MOSPD2: variants seen among roughly 807,000 people sequenced by gnomAD.
MOSPD2 encodes the protein motile sperm domain containing 2, also known as motile sperm domain-containing protein 2.
In MOSPD2, 5 loss-of-function variants were observed where a neutral mutation model predicts 41.7. The ratio of observed to expected loss-of-function variants is 0.12; its 90% CI spans 0.06 to 0.25. MOSPD2 has a LOEUF of 0.25. Among genes scored for constraint, MOSPD2 ranks in the 10% least tolerant of loss-of-function variants. The probability of loss-of-function intolerance (pLI) is 1.00; values close to 1 mark genes in which losing one functional copy is unlikely to be tolerated. For missense variants in MOSPD2, 282 were observed against 375.2 expected (o/e 0.75, Z 2.05); for synonymous variants, 115 against 126.9 (o/e 0.91, Z 0.63).
chrX:14,876,713 G>A (rs1312572262), intron 2 of MOSPD2, among the ~76,000 whole-genome samples: 1 of 111,693 alleles, frequency 9.0e-6, no homozygotes, highest in African/African-American at 3.3e-5. Context: ...CTGGGAAGCA[G>A]TGTATCAGTA....
chrX:14,909,259 GT>G (rs2147499874), intron 8 of MOSPD2, among the ~76,000 whole-genome samples: 1 of 111,459 alleles, frequency 9.0e-6, no homozygotes, highest in African/African-American at 3.3e-5. Context: ...TCCTACTTCT[GT>G]TTCCAACCAC....
At chrX:14,879,062 A>G (rs2092526812) in intron 2 of MOSPD2, among the ~76,000 whole-genome samples, 1 of 111,945 alleles carries the variant, frequency 8.9e-6, no homozygotes, top group Non-Finnish European at 1.9e-5. Flanking sequence ...CTCTTTTTGA[A>G]CTTTATATTA....
Position 14,920,917 on chromosome X carries a change from T to C in MOSPD2, c.*1108T>C, listed in dbSNP as rs2092608536. On this transcript the variant is annotated 3_prime_UTR_variant, in exon 15 of 15. Transcript: ENST00000380492. ...GAAACACAGACGCCCAGGTGTCAGC[T>C]CTCCGTTTAAAGAATGAAAAATGTA... is the stretch of plus-strand genomic sequence containing the variant. 4 of 752,174 alleles carry C rather than the reference T, an allele frequency of 5.3e-6. No individual in the cohort carries two copies. Among genetic ancestry groups the C allele is most frequent in the Non-Finnish European group, 6.3e-6 (4 of 639,080 alleles). 62.0% of individuals were successfully genotyped at this position (752,174 alleles called of 1,213,427 possible).
At chrX:14,890,769 A>C (rs1353529598) in intron 2 of MOSPD2, among the ~76,000 whole-genome samples, 1 of 111,940 alleles carries the variant, frequency 8.9e-6, no homozygotes, top group Non-Finnish European at 1.9e-5. Flanking sequence ...CTGGCCTTTC[A>C]GCTATTATCT....
intron 6 of MOSPD2, 107 bp downstream of exon 6, chrX:14,900,742 G>T: frequency 2.7e-6 from 1 of 370,709 alleles, no homozygotes; most frequent in Admixed American, 5.3e-5. Flanking sequence ...CTGAAACTTT[G>T]TTTTCTGATG....
intron 6 of MOSPD2, among the ~76,000 whole-genome samples, chrX:14,901,311 A>AC (rs2092572797): frequency 9.0e-6 from 1 of 111,539 alleles, no homozygotes; most frequent in Non-Finnish European, 1.9e-5. Context: ...AGTATATTTA[A>AC]CCCCAATGGT....
At chrX:14,908,756 T>C (rs2092586523) in intron 7 of MOSPD2, 104 bp from the exon 8 acceptor site, 1 of 759,283 alleles carries the variant, frequency 1.3e-6, no homozygotes, top group South Asian at 3.4e-5. Flanking sequence ...TATTAACAGA[T>C]TATAGCCCAA....
rs1353803132 is a variant in MOSPD2 at position 14,920,981 on chromosome X, T to C, written c.*1172T>C. The C allele has an allele frequency of 5.3e-6, 4 of 753,377 alleles. No homozygotes were observed. The East Asian group carries it at 4.5e-4, about 85-fold the overall frequency. 62.1% of individuals were successfully genotyped at this position (753,377 alleles called of 1,213,427 possible). A position where few individuals can be genotyped will look rare whatever the true frequency, so the allele number is the denominator to read the frequency against. ...TGTGAAACCTTCAAACTAGGACCAATTGACTTACTTGATATTCTGCCTTTG... is the reference window on the plus strand; with the variant it reads ...TGTGAAACCTTCAAACTAGGACCAACTGACTTACTTGATATTCTGCCTTTG... On this transcript the variant is annotated 3_prime_UTR_variant, in exon 15 of 15. Transcript: ENST00000380492.
At chrX:14,875,663 C>G (rs1315440348) in intron 2 of MOSPD2, among the ~76,000 whole-genome samples, 1 of 111,866 alleles carries the variant, frequency 8.9e-6, no homozygotes, top group African/African-American at 3.3e-5. Flanking sequence ...GCCACACTGC[C>G]TTGTGTTCCT....
At chrX:14,912,223 T>C (rs1411087727) in intron 9 of MOSPD2, 26 bp from the exon 10 acceptor site, 2 of 1,012,988 alleles carry the variant, frequency 2.0e-6, no homozygotes, top group Admixed American at 3.1e-5. Context: ...ATATGCTAAA[T>C]AGTTATCCTT....
chrX:14,875,313 C>T, intron 2 of MOSPD2, among the ~76,000 whole-genome samples: 1 of 112,126 alleles, frequency 8.9e-6, no homozygotes, highest in South Asian at 3.7e-4. Context: ...TTTCCAACTG[C>T]GTTTAGAATA....
chrX:14,880,468 A>G (rs1318815536), intron 2 of MOSPD2, among the ~76,000 whole-genome samples: 1 of 111,936 alleles, frequency 8.9e-6, no homozygotes, highest in Non-Finnish European at 1.9e-5. Flanking sequence ...AAATCTTTCA[A>G]TACTTTTCCT....
chrX:14,894,136 C>A (rs944219584), intron 3 of MOSPD2, among the ~76,000 whole-genome samples: 3 of 109,822 alleles, frequency 2.7e-5, no homozygotes, highest in African/African-American at 1.0e-4. Flanking sequence ...TTCTTTCTTT[C>A]TTTATTTTAT....
At chrX:14,881,054 A>G (rs1306438207) in intron 2 of MOSPD2, among the ~76,000 whole-genome samples, 2 of 110,823 alleles carry the variant, frequency 1.8e-5, no homozygotes, top group Non-Finnish European at 3.8e-5. Flanking sequence ...GTTGTTTTAT[A>G]TATCAGTGTT....
intron 10 of MOSPD2, 57 bp from the exon 11 acceptor site, chrX:14,914,445 AT>A: frequency 1.3e-6 from 1 of 743,982 alleles, no homozygotes; most frequent in Non-Finnish European, 2.0e-6. Context: ...AAGCTAAATG[AT>A]TAGATTGTCA....
At chrX:14,877,817 CAAAAAAA>C in intron 2 of MOSPD2, among the ~76,000 whole-genome samples, 1 of 87,115 alleles carries the variant, frequency 1.1e-5, no homozygotes, top group African/African-American at 4.2e-5. Flanking sequence ...GCTAAAAATA[CAAAAAAA>C]AAAAAAATTA....
chrX:14,879,529 T>C (rs1037758001), intron 2 of MOSPD2, among the ~76,000 whole-genome samples: 9 of 111,523 alleles, frequency 8.1e-5, no homozygotes, highest in African/African-American at 2.9e-4. Flanking sequence ...TTCTCAATTT[T>C]CATACCTAAT....
intron 4 of MOSPD2, among the ~76,000 whole-genome samples, chrX:14,895,670 C>G (rs149443802): frequency 2.5e-3 from 282 of 112,158 alleles, no homozygotes; most frequent in Middle Eastern, 0.014. Flanking sequence ...TATCTTCTTT[C>G]TAATCTGACT....
intron 8 of MOSPD2, among the ~76,000 whole-genome samples, chrX:14,910,532 GC>G (rs1175665373): frequency 9.0e-6 from 1 of 111,222 alleles, no homozygotes; most frequent in African/African-American, 3.3e-5. Flanking sequence ...CTAATTTTTT[GC>G]CATTACTAGT....
Sources: allele counts gnomAD v4.1 joint callset (sites outside exome capture counted in the v4.1 genomes callset), GRCh38; gene constraint gnomAD v4.1.1; transcripts MANE v1.5; gene names NCBI Gene and HGNC (gene_info 2026-07-23, HGNC 2026-07-21).